Variants in SUSD1 observed in about 807,000 individuals in gnomAD.
The protein encoded by SUSD1 is sushi domain containing 1, also known as sushi domain-containing protein 1.
Under a neutral mutation model 86.9 loss-of-function variants are expected in SUSD1, and 65 were observed. The observed-to-expected ratio is 0.75, with a 90% confidence interval of 0.61 to 0.92. The LOEUF (loss-of-function observed/expected upper bound fraction) is 0.92. Ranked by LOEUF, SUSD1 falls within the 40% of genes least tolerant of loss-of-function variation. The pLI is 0.00. For missense variants in SUSD1, 850 were observed against 929.7 expected, an observed-to-expected ratio of 0.91 and a Z score of 1.11; for synonymous variants, 346 against 350.0, an observed-to-expected ratio of 0.99 and a Z score of 0.13.
At chr9:112,170,659 C>G (rs142677421) in intron 1 of SUSD1, among the ~76,000 whole-genome samples, 2 of 148,608 alleles carry the variant, frequency 1.3e-5, no homozygotes, top group African/African-American at 2.5e-5. Flanking sequence ...TTGCCAGTGA[C>G]AGACTGAATA....
chr9:112,111,080 C>A (rs543233182), intron 8 of SUSD1, among the ~76,000 whole-genome samples: 1 of 152,068 alleles, frequency 6.6e-6, no homozygotes, highest in South Asian at 2.1e-4. Flanking sequence ...GCAACTTCTG[C>A]CCCCTGGGTT....
intron 10 of SUSD1, among the ~76,000 whole-genome samples, chr9:112,087,097 C>T (rs1564282903): frequency 6.6e-6 from 1 of 151,932 alleles, no homozygotes; most frequent in Non-Finnish European, 1.5e-5. Context: ...GAGTCCTATA[C>T]ATTAATAAAC....
chr9:112,108,682 G>A (rs769943073), intron 8 of SUSD1, among the ~76,000 whole-genome samples: 1 of 151,446 alleles, frequency 6.6e-6, no homozygotes. Context: ...GGAGGCTGAG[G>A]TGGGAGGATC....
intron 12 of SUSD1, among the ~76,000 whole-genome samples, chr9:112,069,294 G>A (rs556277630): frequency 9.9e-5 from 15 of 152,272 alleles, no homozygotes; most frequent in South Asian, 2.1e-4. Flanking sequence ...CTAAACCTGC[G>A]GCATTGCCAG....
chr9:112,058,317 AT>A, intron 14 of SUSD1, 110 bp downstream of exon 14: 1 of 1,347,122 alleles, frequency 7.4e-7, no homozygotes, highest in Non-Finnish European at 9.9e-7. Context: ...ACATTTTGTG[AT>A]TGTTACATGC....
intron 3 of SUSD1, among the ~76,000 whole-genome samples, chr9:112,148,069 C>A (rs1030538649): frequency 5.3e-5 from 8 of 152,294 alleles, no homozygotes; most frequent in African/African-American, 7.2e-5. Flanking sequence ...GCATAAGAAC[C>A]TACGGTTCCT....
At chr9:112,162,512 G>A (rs7022689) in intron 1 of SUSD1, among the ~76,000 whole-genome samples, 144 of 152,232 alleles carry the variant, frequency 9.5e-4, no homozygotes, top group African/African-American at 3.3e-3. Context: ...ATATAAACAC[G>A]CGGTTCAAAG....
intron 5 of SUSD1, among the ~76,000 whole-genome samples, chr9:112,138,824 T>G (rs1303723092): frequency 6.6e-6 from 1 of 152,226 alleles, no homozygotes; most frequent in African/African-American, 2.4e-5. Context: ...TTTTAAGGGA[T>G]TGATTCACTT....
Position 112,149,187 on chromosome 9 carries a change from C to A in SUSD1, c.373+57G>T, listed in dbSNP as rs184191542. On this transcript the variant is annotated intron_variant, in intron 3 of 16. Transcript: ENST00000374270. Reference sequence around the variant, plus strand: ...TTCCCTAATATTAACAAATACACAGCCCAGATACTATCCTGCCATCGCCAA... The same window carrying A: ...TTCCCTAATATTAACAAATACACAGACCAGATACTATCCTGCCATCGCCAA... The A allele has an allele frequency of 2.3e-3, 3,687 of 1,599,646 alleles. 9 individuals carry two copies. The highest frequency in any genetic ancestry group is 2.9e-3 in the Non-Finnish European group (3,362 of 1,170,728).
chr9:112,041,685 C>T (rs542882978), intron 16 of SUSD1, among the ~76,000 whole-genome samples, 182 bp downstream of exon 16: 3 of 152,144 alleles, frequency 2.0e-5, no homozygotes, highest in African/African-American at 7.2e-5. Flanking sequence ...GGAAGGCATC[C>T]CCCATGCTAC....
chr9:112,173,568 G>A, intron 1 of SUSD1: 2 of 364,030 alleles, frequency 5.5e-6, no homozygotes, highest in Non-Finnish European at 1.1e-5. Context: ...GGGAGTCTGA[G>A]CTGGAACTGA....
chr9:112,070,762 G>T (rs2131530456), intron 12 of SUSD1, among the ~76,000 whole-genome samples: 1 of 152,224 alleles, frequency 6.6e-6, no homozygotes, highest in African/African-American at 2.4e-5. Flanking sequence ...TACAGCAATT[G>T]AAATAGTAAA....
At chr9:112,124,107 C>G in intron 6 of SUSD1, 150 bp downstream of exon 6, 1 of 674,668 alleles carries the variant, frequency 1.5e-6, no homozygotes, top group Middle Eastern at 4.7e-4. Context: ...CAGGATTTAG[C>G]TGACAAATCT....
In SUSD1 at chr9:112,067,810, C is replaced by G. The variant is rs146060735; in HGVS notation, c.1754-4777G>C. On this transcript the variant is annotated intron_variant, in intron 12 of 16. Coordinates refer to ENST00000374270, the MANE Select transcript of SUSD1 (RefSeq NM_022486.5). ...AAAACATATGTATGAATGCCTCCCC[C>G]CCAATCCCCCCACCCTAGCCCTAAA... Among the ~76,000 whole-genome samples, 456 of 152,158 alleles carry G rather than the reference C, an allele frequency of 3.0e-3. 2 individuals carry two copies. The highest frequency in any genetic ancestry group is 0.01 in the African/African-American group (430 of 41,508).
intron 1 of SUSD1, among the ~76,000 whole-genome samples, chr9:112,162,544 C>A (rs1833615870): frequency 6.6e-6 from 1 of 152,154 alleles, no homozygotes; most frequent in Admixed American, 6.6e-5. Flanking sequence ...TAAGTAGACA[C>A]TGAAGTCACA....
intron 6 of SUSD1, among the ~76,000 whole-genome samples, chr9:112,117,162 T>G (rs997621895): frequency 6.6e-6 from 1 of 152,126 alleles, no homozygotes; most frequent in African/African-American, 2.4e-5. Flanking sequence ...ATAAATTCTT[T>G]TAAGAAAATT....
chr9:112,092,628 C>T (rs956339038), intron 10 of SUSD1, among the ~76,000 whole-genome samples: 14 of 152,128 alleles, frequency 9.2e-5, no homozygotes, highest in African/African-American at 3.1e-4. Flanking sequence ...CTTCTTTAGC[C>T]TAGACGTCTA....
intron 1 of SUSD1, among the ~76,000 whole-genome samples, chr9:112,164,748 T>C (rs557177266): frequency 3.3e-5 from 5 of 152,072 alleles, no homozygotes; most frequent in Non-Finnish European, 7.4e-5. Context: ...ATTGAGATCA[T>C]CCTGGCTAAC....
chr9:112,060,210 C>G (rs1273275862), intron 13 of SUSD1, among the ~76,000 whole-genome samples: 1 of 152,078 alleles, frequency 6.6e-6, no homozygotes, highest in Non-Finnish European at 1.5e-5. Context: ...GAAAGTCTCC[C>G]CCCACCAGGT....
Sources: gnomAD v4.1 joint callset for allele counts (sites outside exome capture counted in the v4.1 genomes callset) on GRCh38, gnomAD v4.1.1 for gene constraint, MANE v1.5 for transcripts, NCBI Gene and HGNC (gene_info 2026-07-23, HGNC 2026-07-21) for gene names.